Variants in CEP85L observed in about 807,000 individuals in gnomAD.
CEP85L encodes centrosomal protein of 85 kDa-like.
A neutral mutation model predicts 100.3 loss-of-function variants in CEP85L; 60 were observed. That is an observed-to-expected ratio of 0.60 (90% confidence interval 0.49 to 0.74). The LOEUF (loss-of-function observed/expected upper bound fraction) is 0.74. Ranked by LOEUF, CEP85L falls within the 30% of genes least tolerant of loss-of-function variation. CEP85L has a pLI of 0.00. For synonymous variants in CEP85L, 319 were observed against 322.7 expected, an observed-to-expected ratio of 0.99 and a Z score of 0.12; for missense variants, 973 against 936.2, an observed-to-expected ratio of 1.04 and a Z score of -0.51.
intron 4 of CEP85L, among the ~76,000 whole-genome samples, chr6:118,520,682 C>A (rs557960606): frequency 6.6e-6 from 1 of 152,172 alleles, no homozygotes; most frequent in South Asian, 2.1e-4. Flanking sequence ...TCTCTGTATT[C>A]GCTACTTCCC....
intron 2 of CEP85L, among the ~76,000 whole-genome samples, chr6:118,605,305 G>C (rs1772113434): frequency 6.6e-6 from 1 of 152,158 alleles, no homozygotes; most frequent in Non-Finnish European, 1.5e-5. Flanking sequence ...TTCGTCATCA[G>C]CCCATCCTTC....
chr6:118,657,476 T>C (rs1387851545), upstream of CEP85L, among the ~76,000 whole-genome samples: 1 of 152,024 alleles, frequency 6.6e-6, no homozygotes, highest in African/African-American at 2.4e-5. Flanking sequence ...AAAAATTAGC[T>C]GGGCATGGTG....
chr6:118,615,438 G>GAAAAAAA, intron 2 of CEP85L, among the ~76,000 whole-genome samples: 1 of 149,200 alleles, frequency 6.7e-6, no homozygotes, highest in South Asian at 2.1e-4. Flanking sequence ...AAGTAAATGG[G>GAAAAAAA]AAAAAAAAAA....
At chr6:118,605,705 CAT>C (rs762487018) in intron 2 of CEP85L, among the ~76,000 whole-genome samples, 12 of 149,648 alleles carry the variant, frequency 8.0e-5, no homozygotes, top group Non-Finnish European at 1.5e-4. Flanking sequence ...TAGGGCCTCT[CAT>C]GTGTGCATTA....
chr6:118,509,753 A>AC (rs1261966064), intron 5 of CEP85L, among the ~76,000 whole-genome samples: 2 of 152,202 alleles, frequency 1.3e-5, no homozygotes, highest in African/African-American at 4.8e-5. Context: ...ATCAGGCCTC[A>AC]CTTTAGATCC....
intron 8 of CEP85L, 123 bp downstream of exon 8, chr6:118,481,656 A>G (rs1562182981): frequency 3.7e-6 from 2 of 535,878 alleles, no homozygotes; most frequent in Non-Finnish European, 6.0e-6. Flanking sequence ...ATAAGGGATG[A>G]GCATCCTGTA....
chr6:118,598,076 G>A (rs1781545891), intron 2 of CEP85L, among the ~76,000 whole-genome samples: 1 of 152,202 alleles, frequency 6.6e-6, no homozygotes, highest in African/African-American at 2.4e-5. Flanking sequence ...AAAAGAGTAT[G>A]ATTTGCTTAC....
At chr6:118,589,705 G>C (rs9489452) in intron 2 of CEP85L, 40,039 of 267,638 alleles carry the variant, frequency 0.15, 3,159 homozygotes, top group Non-Finnish European at 0.16. Flanking sequence ...TATGAACATG[G>C]GCATGGCTGC....
At chr6:118,618,482 G>C (rs536872104) in intron 2 of CEP85L, among the ~76,000 whole-genome samples, 287 of 152,302 alleles carry the variant, frequency 1.9e-3, no homozygotes, top group Middle Eastern at 0.014. Flanking sequence ...GGATGGTAGA[G>C]GCCCTAGGAC....
At chr6:118,704,918 T>G (rs1777547865) in intron 1 of CEP85L, among the ~76,000 whole-genome samples, 6 of 152,208 alleles carry the variant, frequency 3.9e-5, no homozygotes, top group Admixed American at 3.9e-4. Context: ...TTTTAAAAAT[T>G]CACAGGCTTC....
chr6:118,596,970 A>G (rs1781487905), intron 2 of CEP85L, among the ~76,000 whole-genome samples: 1 of 152,118 alleles, frequency 6.6e-6, no homozygotes, highest in South Asian at 2.1e-4. Flanking sequence ...GTGGGAGGTA[A>G]TTTCATCATG....
chr6:118,598,684 T>A (rs186954264), intron 2 of CEP85L, among the ~76,000 whole-genome samples: 423 of 152,336 alleles, frequency 2.8e-3, no homozygotes, highest in Non-Finnish European at 4.2e-3. Context: ...AGCATGGCCC[T>A]GCCAACACCT....
intron 1 of CEP85L, among the ~76,000 whole-genome samples, chr6:118,709,777 T>C (rs1777727538): frequency 1.3e-5 from 2 of 152,136 alleles, no homozygotes; most frequent in Admixed American, 6.5e-5. Context: ...ATCTGTTCCT[T>C]TCCCCCTGAC....
intron 3 of CEP85L, among the ~76,000 whole-genome samples, chr6:118,553,834 G>A (rs1778690189): frequency 6.6e-6 from 1 of 152,062 alleles, no homozygotes; most frequent in Non-Finnish European, 1.5e-5. Flanking sequence ...CCTAGTTCAG[G>A]TTAATACTGT....
chr6:118,684,085 G>A (rs1776754214), intron 1 of CEP85L, among the ~76,000 whole-genome samples: 2 of 152,192 alleles, frequency 1.3e-5, no homozygotes, highest in South Asian at 4.1e-4. Context: ...CACAGGAAGT[G>A]GAGGCCAAAG....
intron 4 of CEP85L, among the ~76,000 whole-genome samples, chr6:118,521,766 C>T (rs544816322): frequency 6.6e-6 from 1 of 152,140 alleles, no homozygotes; most frequent in South Asian, 2.1e-4. Context: ...GCCATCCTGC[C>T]GTGGCCCATC....
At chr6:118,537,975 A>C in intron 3 of CEP85L, 1 of 828,764 alleles carries the variant, frequency 1.2e-6, no homozygotes, top group Non-Finnish European at 1.5e-6. Flanking sequence ...CACAAAGCTC[A>C]GTAATGAAGA....
At chr6:118,652,775 A>C (rs957031499), upstream of CEP85L, 1 of 1,527,804 alleles carries the variant, frequency 6.5e-7, no homozygotes, top group African/African-American at 1.4e-5. Flanking sequence ...TTATTTCTCC[A>C]AATCATGTAA....
chr6:118,627,835 G>A (rs954047837), intron 2 of CEP85L, among the ~76,000 whole-genome samples: 11 of 152,198 alleles, frequency 7.2e-5, no homozygotes, highest in African/African-American at 2.7e-4. Flanking sequence ...ACTCTTTGTA[G>A]TTTTAACAGA....
Sources: gnomAD v4.1 joint callset for allele counts (sites outside exome capture counted in the v4.1 genomes callset) on GRCh38, gnomAD v4.1.1 for gene constraint, MANE v1.5 for transcripts, NCBI Gene and HGNC (gene_info 2026-07-23, HGNC 2026-07-21) for gene names.